ARFGEF3: variants seen among roughly 807,000 people sequenced by gnomAD.
ARFGEF3 encodes the protein ARFGEF family member 3.
ARFGEF3 carries 96 observed loss-of-function variants against 221.7 expected under a neutral mutation model. The ratio of observed to expected loss-of-function variants is 0.43; its 90% CI spans 0.37 to 0.51. The LOEUF (loss-of-function observed/expected upper bound fraction) is 0.51. Among genes scored for constraint, ARFGEF3 ranks in the 20% least tolerant of loss-of-function variants. ARFGEF3 has a pLI of 0.00. For missense variants in ARFGEF3, 2,410 were observed against 2,789.9 expected (o/e 0.86, Z 3.07); for synonymous variants, 1,145 against 1,126.8 (o/e 1.02, Z -0.32).
rs145658670 is a variant in ARFGEF3, at chr6:138,180,235, C to T, written c.137+9522C>T. On this transcript the variant is annotated intron_variant, in intron 2 of 33. Coordinates refer to ENST00000251691, the MANE Select transcript of ARFGEF3 (RefSeq NM_020340.5). Reference sequence around the variant, plus strand: ...GCTGTTTTTGGCACACAGTTTGATTCTCATCAGTATTTTTCCTGCCTTTCT... The same window carrying T: ...GCTGTTTTTGGCACACAGTTTGATTTTCATCAGTATTTTTCCTGCCTTTCT... Among the ~76,000 whole-genome samples the T allele has an allele frequency of 1.1e-4, 17 of 152,298 alleles. No homozygotes were observed. The East Asian group carries it at 2.9e-3, about 26-fold the overall frequency.
chr6:138,213,232 G>T (rs917199924), intron 4 of ARFGEF3, among the ~76,000 whole-genome samples: 2 of 149,954 alleles, frequency 1.3e-5, no homozygotes, highest in African/African-American at 4.9e-5. Flanking sequence ...AGCTTATAGT[G>T]AGCTGAGATC....
At chr6:138,251,708 A>C (rs1224817773) in intron 8 of ARFGEF3, among the ~76,000 whole-genome samples, 1 of 151,860 alleles carries the variant, frequency 6.6e-6, no homozygotes, top group African/African-American at 2.4e-5. Flanking sequence ...ATATTTTGTC[A>C]CACCTTTTCC....
intron 4 of ARFGEF3, among the ~76,000 whole-genome samples, chr6:138,221,040 C>G (rs575573025): frequency 5.9e-5 from 9 of 152,222 alleles, no homozygotes; most frequent in Non-Finnish European, 1.3e-4. Context: ...GCTGTGCTTG[C>G]TCATACATCT....
rs1279374463 is a variant in ARFGEF3 at position 138,344,141 on chromosome 6, A to G, written c.*7655A>G. On this transcript the variant is annotated 3_prime_UTR_variant, in exon 34 of 34. Transcript: ENST00000251691. ...ACTCTAGATAAAGCCAGTGGGTGGTATGGGTCCTTTTATTCCTTATAGTAT... is the reference window on the plus strand; with the variant it reads ...ACTCTAGATAAAGCCAGTGGGTGGTGTGGGTCCTTTTATTCCTTATAGTAT... The G allele has an allele frequency of 6.6e-6, 1 of 152,206 alleles. No homozygotes were observed. Among genetic ancestry groups the G allele is most frequent in the African/African-American group, 2.4e-5 (1 of 41,452 alleles). The allele number at this position is 152,206 out of a possible 1,614,324, so 9.4% of individuals were successfully genotyped here.
At chr6:138,316,366 A>G (rs948168732) in intron 26 of ARFGEF3, among the ~76,000 whole-genome samples, 1 of 152,252 alleles carries the variant, frequency 6.6e-6, no homozygotes, top group African/African-American at 2.4e-5. Context: ...GCAAATAATT[A>G]CATTTTTCCT....
intron 28 of ARFGEF3, 71 bp downstream of exon 28, chr6:138,319,950 T>C: frequency 1.6e-6 from 2 of 1,274,760 alleles, no homozygotes; most frequent in Non-Finnish European, 2.2e-6. Context: ...TAAAACGGTG[T>C]AGTAAATACC....
At chr6:138,333,306 C>G in intron 32 of ARFGEF3, among the ~76,000 whole-genome samples, 1 of 152,294 alleles carries the variant, frequency 6.6e-6, no homozygotes, top group Non-Finnish European at 1.5e-5. Context: ...AAAATATATT[C>G]TGTGTCCCCA....
In ARFGEF3 at chr6:138,338,753, T is replaced by C. The variant is rs141017016; in HGVS notation, c.*2267T>C. 1 of 149,402 alleles carries C rather than the reference T, an allele frequency of 6.7e-6. No homozygotes were observed. The highest frequency in any genetic ancestry group is 2.0e-4 in the East Asian group (1 of 5,064). 9.3% of individuals were successfully genotyped at this position (149,402 alleles called of 1,614,324 possible). A position where few individuals can be genotyped will look rare whatever the true frequency, so the allele number is the denominator to read the frequency against. ...AGGCGGACGTTGCAGTGAGCCAAGA[T>C]TGCACCATTGCACTCCAGACTGGGT... On this transcript the variant is annotated 3_prime_UTR_variant, in exon 34 of 34. Coordinates refer to ENST00000251691, the MANE Select transcript of ARFGEF3 (RefSeq NM_020340.5).
intron 2 of ARFGEF3, among the ~76,000 whole-genome samples, chr6:138,184,820 G>GATGGAGCT (rs1265075081): frequency 2.0e-5 from 3 of 152,226 alleles, no homozygotes; most frequent in Non-Finnish European, 4.4e-5. Flanking sequence ...GGTGGCTGTT[G>GATGGAGCT]ATGGAGCTAT....
At chr6:138,185,258 G>A (rs966299106) in intron 2 of ARFGEF3, among the ~76,000 whole-genome samples, 7 of 152,220 alleles carry the variant, frequency 4.6e-5, no homozygotes, top group Admixed American at 4.6e-4. Flanking sequence ...GCCAGGGAAT[G>A]AAGCTGACAC....
intron 21 of ARFGEF3, 61 bp downstream of exon 21, chr6:138,297,016 C>T: frequency 1.3e-6 from 2 of 1,544,462 alleles, no homozygotes; most frequent in African/African-American, 1.4e-5. Flanking sequence ...GCAGAGCCAG[C>T]ATGGGGGCCT....
At chr6:138,296,732 A>G (rs1562383372) in intron 20 of ARFGEF3, 78 bp from the exon 21 acceptor site, 8 of 1,535,990 alleles carry the variant, frequency 5.2e-6, no homozygotes, top group African/African-American at 2.7e-5. Flanking sequence ...TAGATTTTCA[A>G]CCTCTCTCTT....
chr6:138,200,427 C>T (rs1562350999), intron 2 of ARFGEF3, among the ~76,000 whole-genome samples: 1 of 152,172 alleles, frequency 6.6e-6, no homozygotes, highest in Non-Finnish European at 1.5e-5. Flanking sequence ...TCAAACTATA[C>T]TATAAGGCCA....
intron 21 of ARFGEF3, among the ~76,000 whole-genome samples, chr6:138,297,978 C>G (rs1779552913): frequency 6.6e-6 from 1 of 152,116 alleles, no homozygotes. Flanking sequence ...GCAGACCAGC[C>G]CCAGCTTGTT....
At chr6:138,185,857 A>T (rs138441396) in intron 2 of ARFGEF3, among the ~76,000 whole-genome samples, 2 of 152,182 alleles carry the variant, frequency 1.3e-5, no homozygotes, top group East Asian at 3.9e-4. Flanking sequence ...GAGAGTTACC[A>T]ATTATGGCGT....
Position 138,285,931 on chromosome 6 carries a change from C to T in ARFGEF3, c.2462-15C>T. Reference sequence around the variant, plus strand: ...TGTTTTATTTAGGGAAAACTTCTTTCTTTTTCCTTGACAGATATTGACGGC... The same window carrying T: ...TGTTTTATTTAGGGAAAACTTCTTTTTTTTTCCTTGACAGATATTGACGGC... On this transcript the variant is annotated splice_polypyrimidine_tract_variant and intron_variant, in intron 14 of 33. Coordinates refer to ENST00000251691, the MANE Select transcript of ARFGEF3 (RefSeq NM_020340.5). 5 of 1,572,218 alleles carry T rather than the reference C, an allele frequency of 3.2e-6. No individual in the cohort carries two copies. The highest frequency in any genetic ancestry group is 4.4e-6 in the Non-Finnish European group (5 of 1,144,316).
chr6:138,262,589 A>G, intron 11 of ARFGEF3, 112 bp from the exon 12 acceptor site: 1 of 1,071,724 alleles, frequency 9.3e-7, no homozygotes, highest in Non-Finnish European at 1.3e-6. Flanking sequence ...TTCAAATCAG[A>G]CTATCTGTTT....
intron 5 of ARFGEF3, among the ~76,000 whole-genome samples, chr6:138,232,145 T>C (rs2114536595): frequency 6.6e-6 from 1 of 152,310 alleles, no homozygotes. Flanking sequence ...TGTTGAGTTT[T>C]CCAAGGAAAG....
In ARFGEF3 at chr6:138,238,885, TG is replaced by T. The variant is rs774859012; in HGVS notation, c.543+255del. On this transcript the variant is annotated intron_variant, in intron 6 of 33. Transcript: ENST00000251691. ...ATTTTAAAACTTATTTTTTAATCATTGTTTTAAAACTTCTCATACTGAAAAT... is the reference window on the plus strand; with the variant it reads ...ATTTTAAAACTTATTTTTTAATCATTTTTTAAAACTTCTCATACTGAAAAT... 8.5e-5 allele frequency among the ~76,000 whole-genome samples: 13 copies of T among 152,194 alleles called. No individual in the cohort carries two copies. The South Asian group carries it at 2.7e-3, about 31-fold the overall frequency.
Sources: gnomAD v4.1 joint callset for allele counts (sites outside exome capture counted in the v4.1 genomes callset) on GRCh38, gnomAD v4.1.1 for gene constraint, MANE v1.5 for transcripts, NCBI Gene and HGNC (gene_info 2026-07-23, HGNC 2026-07-21) for gene names.